Variants in CD55 observed in about 807,000 individuals in gnomAD.
CD55 encodes the protein complement decay-accelerating factor.
In CD55, 41 loss-of-function variants were observed where a neutral mutation model predicts 45.8. That is an observed-to-expected ratio of 0.90 (90% confidence interval 0.70 to 1.16). CD55 has a LOEUF of 1.16. Ranked by LOEUF, CD55 falls within the 50% of genes most tolerant of loss-of-function variation. The pLI is 0.00. For synonymous variants in CD55, 181 were observed against 181.1 expected, an observed-to-expected ratio of 1.00 and a Z score of 0.01; for missense variants, 416 against 469.8, an observed-to-expected ratio of 0.89 and a Z score of 1.06.
intron 9 of CD55, among the ~76,000 whole-genome samples, chr1:207,356,757 A>G (rs1343343364): frequency 6.6e-6 from 1 of 152,140 alleles, no homozygotes. Context: ...CAACAACAGC[A>G]CACACACACA....
chr1:207,326,847 A>T lies in CD55; in HGVS notation c.664+10A>T. The T allele has an allele frequency of 6.3e-7, 1 of 1,595,206 alleles. No homozygotes were observed. Among genetic ancestry groups the T allele is most frequent in the Non-Finnish European group, 8.6e-7 (1 of 1,164,032 alleles). ...TTGCCAGAGTGCAGAGGTAAGAGTT[A>T]AAAAATCTAAGCACTCAGATTGTGA... On this transcript the variant is annotated intron_variant, in intron 5 of 9. Transcript: ENST00000367064.
chr1:207,358,661 A>G (rs1656167634), intron 9 of CD55: 1 of 152,212 alleles, frequency 6.6e-6, no homozygotes, highest in East Asian at 1.9e-4. Context: ...TGTATCTTGC[A>G]AAATATCCAT....
chr1:207,334,302 C>A (rs916960890), intron 6 of CD55, among the ~76,000 whole-genome samples: 3 of 152,122 alleles, frequency 2.0e-5, no homozygotes, highest in Non-Finnish European at 2.9e-5. Flanking sequence ...TCCTTCAAAA[C>A]TGAATGCAAA....
intron 7 of CD55, 98 bp from the exon 8 acceptor site, chr1:207,337,231 G>T (rs1170650329): frequency 6.3e-6 from 5 of 792,596 alleles, no homozygotes; most frequent in Middle Eastern, 2.3e-4. Flanking sequence ...TTGCATTTAC[G>T]CAGAGTCCTT....
At chr1:207,358,159 T>G (rs1019527048) in intron 9 of CD55, among the ~76,000 whole-genome samples, 5 of 152,204 alleles carry the variant, frequency 3.3e-5, no homozygotes, top group South Asian at 2.1e-4. Flanking sequence ...AATTTGTCTT[T>G]TTTATGTGCA....
chr1:207,330,453 G>T (rs1654892946), intron 5 of CD55, among the ~76,000 whole-genome samples: 1 of 151,896 alleles, frequency 6.6e-6, no homozygotes, highest in African/African-American at 2.4e-5. Flanking sequence ...ACTTCTGCTT[G>T]TATTTATTTT....
chr1:207,327,556 C>T (rs2102387475), intron 5 of CD55, among the ~76,000 whole-genome samples: 1 of 152,268 alleles, frequency 6.6e-6, no homozygotes, highest in South Asian at 2.1e-4. Context: ...ATACATGCAA[C>T]ATTTTAAAAT....
chr1:207,327,262 CTT>C lies in CD55; in HGVS notation c.664+426_664+427del, dbSNP rs1173483064. 3.3e-5 allele frequency among the ~76,000 whole-genome samples: 5 copies of C among 152,280 alleles called. 1 individual carries two copies. The South Asian group carries it at 1.0e-3, about 32-fold the overall frequency. On this transcript the variant is annotated intron_variant, in intron 5 of 9. Coordinates refer to ENST00000367064, the MANE Select transcript of CD55 (RefSeq NM_000574.5). Reference sequence around the variant, plus strand: ...CAATGGAAGGCATTTAACCAGGTCTCTTATTTCAAACCCAGCATTTTTCTAAA... The same window carrying C: ...CAATGGAAGGCATTTAACCAGGTCTCATTTCAAACCCAGCATTTTTCTAAA...
Position 207,322,419 on chromosome 1 carries a change from G to C in CD55, c.138G>C (p.Gln46His), listed in dbSNP as rs747643776. The change falls in exon 2 of 10, where the codon CAG (glutamine) becomes CAC (histidine). Residue 46 changes from glutamine to histidine, a missense_variant. Physicochemically the swap from Gln to His is conservative, Grantham distance 24. Coordinates refer to ENST00000367064, the MANE Select transcript of CD55 (RefSeq NM_000574.5). ...TTCCCCCAGATGTACCTAATGCCCA[G>C]CCAGCTTTGGAAGGCCGTACAAGTT... ...CGLPPDVPNA[Q>H]PALEGRTSFP... 9 of 1,614,150 alleles carry C rather than the reference G, an allele frequency of 5.6e-6. No homozygotes were observed. In the East Asian group the frequency reaches 2.0e-4, roughly 36 times the overall value.
rs2102454517 is a variant in CD55, at chr1:207,359,929, A to AT, written c.*326dup. The AT allele has an allele frequency of 4.3e-6, 1 of 233,056 alleles. No individual in the cohort carries two copies. The highest frequency in any genetic ancestry group is 8.2e-6 in the Non-Finnish European group (1 of 121,654). 14.4% of individuals were successfully genotyped at this position (233,056 alleles called of 1,614,324 possible). A position where few individuals can be genotyped will look rare whatever the true frequency, so the allele number is the denominator to read the frequency against. On this transcript the variant is annotated 3_prime_UTR_variant, in exon 10 of 10. Coordinates refer to ENST00000367064, the MANE Select transcript of CD55 (RefSeq NM_000574.5). ...TCACGAGGAAAAGAGAAGGAAAGTG[A>AT]TTTTTTTCCACAAGATCTGTAATGT... is the stretch of plus-strand genomic sequence containing the variant.
At position 207,331,114 on chromosome 1, in the gene CD55, A is replaced by G; in HGVS notation, c.671A>G (p.Tyr224Cys). The G allele has an allele frequency of 2.5e-6, 4 of 1,595,292 alleles. No homozygotes were observed. Among genetic ancestry groups the G allele is most frequent in the South Asian group, 1.1e-5 (1 of 87,322 alleles). The change falls in exon 6 of 10, where the codon TAT (tyrosine) becomes TGT (cysteine). Residue 224 changes from tyrosine to cysteine, a missense_variant. Physicochemically the swap from Tyr to Cys is radical, Grantham distance 194. This residue lies in a region of CD55 where 182 missense variants were observed against 201.4 expected (regional missense o/e 0.90). Coordinates refer to ENST00000367064, the MANE Select transcript of CD55 (RefSeq NM_000574.5). ...GTTGGAATTGTTTTTTAAGAAATTTATTGTCCAGCACCACCACAAATTGAC... is the reference window on the plus strand; with the variant it reads ...GTTGGAATTGTTTTTTAAGAAATTTGTTGTCCAGCACCACCACAAATTGAC... ...SDPLPECREI[Y>C]CPAPPQIDNG...
At chr1:207,351,469 GT>G (rs920295791) in intron 9 of CD55, among the ~76,000 whole-genome samples, 19 of 152,162 alleles carry the variant, frequency 1.2e-4, no homozygotes, top group African/African-American at 4.1e-4. Context: ...ATATTGTGTG[GT>G]TATTTCCATC....
rs1415277428 is a variant in CD55 at position 207,359,730 on chromosome 1, T to G, written c.*120T>G. The stretch of plus-strand genomic sequence containing the variant: ...TGCTCTTCATTTAGGATGCTTTCAT[T>G]GTCTTTAAGATGTGTTAGGAATGTC... On this transcript the variant is annotated 3_prime_UTR_variant, in exon 10 of 10. Transcript: ENST00000367064. The G allele has an allele frequency of 7.5e-7, 1 of 1,340,350 alleles. No individual in the cohort carries two copies. The highest frequency in any genetic ancestry group is 9.8e-7 in the Non-Finnish European group (1 of 1,015,840). 83.0% of individuals were successfully genotyped at this position (1,340,350 alleles called of 1,614,324 possible). A position where few individuals can be genotyped will look rare whatever the true frequency, so the allele number is the denominator to read the frequency against.
intron 1 of CD55, 152 bp from the exon 2 acceptor site, chr1:207,322,230 C>T: frequency 2.6e-6 from 2 of 758,104 alleles, no homozygotes; most frequent in Non-Finnish European, 4.8e-6. Context: ...TCCCCACTCT[C>T]GACAGAGTCC....
chr1:207,353,325 G>C (rs1655955863), intron 9 of CD55, among the ~76,000 whole-genome samples: 1 of 151,776 alleles, frequency 6.6e-6, no homozygotes, highest in Non-Finnish European at 1.5e-5. Flanking sequence ...TCCCTCATGG[G>C]GACTAATAGA....
chr1:207,322,676 AC>A lies in CD55; in HGVS notation c.286+113del, dbSNP rs1299949768. ...ATTGATAGTTCTCTAGCGTTACTAA[AC>A]CCCAGGGTATACCCTGTTGGCACGT... On this transcript the variant is annotated intron_variant, in intron 2 of 9. Coordinates refer to ENST00000367064, the MANE Select transcript of CD55 (RefSeq NM_000574.5). 2.0e-5 allele frequency: 19 copies of A among 940,656 alleles called. No individual in the cohort carries two copies. The East Asian group carries it at 4.6e-4, about 23-fold the overall frequency. The allele number at this position is 940,656 out of a possible 1,614,324, so 58.3% of individuals were successfully genotyped here.
chr1:207,341,581 T>C (rs971135052), intron 9 of CD55, among the ~76,000 whole-genome samples: 1 of 152,216 alleles, frequency 6.6e-6, no homozygotes, highest in Non-Finnish European at 1.5e-5. Flanking sequence ...TGGATTTATT[T>C]CTGGGTTCTC....
chr1:207,341,902 C>T (rs992792845), intron 9 of CD55, among the ~76,000 whole-genome samples: 3 of 151,948 alleles, frequency 2.0e-5, no homozygotes, highest in African/African-American at 7.2e-5. Context: ...CCCTTTGTGC[C>T]CTCTTCGATT....
chr1:207,326,882 C>T (rs1462439867), intron 5 of CD55, 45 bp downstream of exon 5: 2 of 1,317,804 alleles, frequency 1.5e-6, no homozygotes, highest in Non-Finnish European at 2.2e-6. Flanking sequence ...AGGCTGAGTA[C>T]TCAATGATAA....
Sources: gnomAD v4.1 joint callset for allele counts (sites outside exome capture counted in the v4.1 genomes callset) on GRCh38, gnomAD v4.1.1 for gene constraint, gnomAD v4.1.1 regional missense constraint, MANE v1.5 for transcripts, NCBI Gene and HGNC (gene_info 2026-07-23, HGNC 2026-07-21) for gene names.